The following ERBB4 variants were observed in gnomAD, a reference collection of about 807,000 sequenced individuals.
ERBB4 encodes erb-b2 receptor tyrosine kinase 4.
ERBB4 carries 42 observed loss-of-function variants against 158.0 expected under a neutral mutation model. The ratio of observed to expected loss-of-function variants is 0.27; its 90% confidence interval spans 0.21 to 0.34. ERBB4 has a LOEUF of 0.34. Ranked by LOEUF, ERBB4 falls within the 10% of genes least tolerant of loss-of-function variation. The pLI is 1.00. For synonymous variants in ERBB4, 583 were observed against 558.7 expected (o/e 1.04, Z -0.61); for missense variants, 1,333 against 1,624.1 (o/e 0.82, Z 3.08).
intron 3 of ERBB4, among the ~76,000 whole-genome samples, chr2:211,926,503 C>T (rs1239152486): frequency 6.6e-6 from 1 of 152,096 alleles, no homozygotes; most frequent in Non-Finnish European, 1.5e-5. Context: ...CACATTTTAT[C>T]TCAGTAACTA....
chr2:212,209,612 C>A (rs183508899), intron 1 of ERBB4, among the ~76,000 whole-genome samples: 1 of 151,946 alleles, frequency 6.6e-6, no homozygotes, highest in African/African-American at 2.4e-5. Flanking sequence ...GAATAGTGTT[C>A]CCCCAAAATT....
chr2:212,484,674 T>C (rs1164159991), intron 1 of ERBB4, among the ~76,000 whole-genome samples: 1 of 152,212 alleles, frequency 6.6e-6, no homozygotes, highest in Admixed American at 6.5e-5. Context: ...GAAAACTGCC[T>C]TGGCATTGCT....
chr2:211,434,071 C>T (rs1282579168), intron 20 of ERBB4, among the ~76,000 whole-genome samples: 1 of 152,144 alleles, frequency 6.6e-6, no homozygotes, highest in East Asian at 1.9e-4. Context: ...AAAGAGAATA[C>T]ACTGAGAACA....
intron 3 of ERBB4, among the ~76,000 whole-genome samples, chr2:211,871,449 C>T (rs529693358): frequency 1.3e-5 from 2 of 151,936 alleles, no homozygotes; most frequent in East Asian, 1.9e-4. Context: ...GACTCCATCT[C>T]TCTACCATGT....
rs1027453350 is a variant in ERBB4 at position 212,275,460 on chromosome 2, C to G, written c.83-150557G>C. On this transcript the variant is annotated intron_variant, in intron 1 of 27. Coordinates refer to ENST00000342788, the MANE Select transcript of ERBB4 (RefSeq NM_005235.3). ...TTGTTTCCTGACTTTTTAATGATTGCCATTCTAACTGGTGTGAGATGGTAT... is the reference window on the plus strand; with the variant it reads ...TTGTTTCCTGACTTTTTAATGATTGGCATTCTAACTGGTGTGAGATGGTAT... Among the ~76,000 whole-genome samples, 18 of 151,904 alleles carry G rather than the reference C, an allele frequency of 1.2e-4. 1 individual carries two copies. Among genetic ancestry groups the G allele is most frequent in the African/African-American group, 4.1e-4 (17 of 41,402 alleles).
chr2:212,238,898 G>A (rs2083979935), intron 1 of ERBB4, among the ~76,000 whole-genome samples: 1 of 151,932 alleles, frequency 6.6e-6, no homozygotes, highest in Non-Finnish European at 1.5e-5. Flanking sequence ...GTCTTATGTA[G>A]AGTGCTAAGT....
intron 1 of ERBB4, among the ~76,000 whole-genome samples, chr2:212,168,026 C>T (rs2081401264): frequency 6.6e-6 from 1 of 150,966 alleles, no homozygotes; most frequent in Non-Finnish European, 1.5e-5. Context: ...ATGTAACAAA[C>T]TTGCACGTTC....
intron 1 of ERBB4, among the ~76,000 whole-genome samples, chr2:212,326,376 A>G (rs758869099): frequency 2.7e-5 from 4 of 150,726 alleles, no homozygotes; most frequent in Non-Finnish European, 5.9e-5. Flanking sequence ...AAGCAAATAC[A>G]AGAAGTTTAA....
At chr2:211,433,568 G>A (rs368057941) in intron 20 of ERBB4, among the ~76,000 whole-genome samples, 1 of 148,704 alleles carries the variant, frequency 6.7e-6, no homozygotes, top group African/African-American at 2.5e-5. Context: ...GCAACAGAGT[G>A]AGACTCTCAA....
Position 211,380,477 on chromosome 2 carries a change from G to A in ERBB4, c.*3138C>T. On this transcript the variant is annotated 3_prime_UTR_variant, in exon 28 of 28. Transcript: ENST00000342788. ...ATAATTGATTCTGCAAATTTCAATTGCTACAATTGGCCTCTGGAATCTGAT... is the reference window on the plus strand; with the variant it reads ...ATAATTGATTCTGCAAATTTCAATTACTACAATTGGCCTCTGGAATCTGAT... 1 of 232,276 alleles carries A rather than the reference G, an allele frequency of 4.3e-6. No individual in the cohort carries two copies. The highest frequency in any genetic ancestry group is 8.5e-6 in the Non-Finnish European group (1 of 117,490). The allele number at this position is 232,276 out of a possible 1,614,324, so 14.4% of individuals were successfully genotyped here.
intron 19 of ERBB4, among the ~76,000 whole-genome samples, chr2:211,574,277 C>T (rs1331665574): frequency 6.6e-6 from 1 of 152,104 alleles, no homozygotes; most frequent in Non-Finnish European, 1.5e-5. Context: ...TCCTAGTTAA[C>T]CCCAGGGAGA....
chr2:211,699,041 T>C (rs1410325303), intron 12 of ERBB4, among the ~76,000 whole-genome samples: 1 of 152,186 alleles, frequency 6.6e-6, no homozygotes, highest in Non-Finnish European at 1.5e-5. Flanking sequence ...TAAAAAATCG[T>C]CATTACTGTT....
At chr2:212,029,015 C>T (rs1344520023) in intron 2 of ERBB4, among the ~76,000 whole-genome samples, 1 of 152,008 alleles carries the variant, frequency 6.6e-6, no homozygotes, top group African/African-American at 2.4e-5. Flanking sequence ...CACCAGTGCA[C>T]GATGTAAGTT....
At chr2:212,490,681 C>T (rs1033474076) in intron 1 of ERBB4, among the ~76,000 whole-genome samples, 1 of 151,686 alleles carries the variant, frequency 6.6e-6, no homozygotes, top group East Asian at 1.9e-4. Context: ...TGTTGTCAAA[C>T]ATAAAAAGTA....
At chr2:212,442,496 G>A (rs1427223352) in intron 1 of ERBB4, among the ~76,000 whole-genome samples, 1 of 152,112 alleles carries the variant, frequency 6.6e-6, no homozygotes, top group Non-Finnish European at 1.5e-5. Context: ...GGGACTCCTG[G>A]GCACTGGCTC....
intron 24 of ERBB4, among the ~76,000 whole-genome samples, chr2:211,421,208 T>A (rs977729184): frequency 6.6e-6 from 1 of 151,324 alleles, no homozygotes; most frequent in African/African-American, 2.4e-5. Flanking sequence ...AGTTACATAA[T>A]TTTTGGAAAC....
chr2:212,456,518 C>T (rs1323087894), intron 1 of ERBB4, among the ~76,000 whole-genome samples: 2 of 151,438 alleles, frequency 1.3e-5, no homozygotes, highest in African/African-American at 4.8e-5. Context: ...ACTGAGTCTG[C>T]TGTTTATAAA....
At chr2:211,556,346 T>A (rs1017748982) in intron 20 of ERBB4, among the ~76,000 whole-genome samples, 11 of 152,088 alleles carry the variant, frequency 7.2e-5, no homozygotes, top group Non-Finnish European at 1.3e-4. Context: ...GCGGGAAACT[T>A]CAATACCCCA....
At chr2:212,016,044 T>C (rs1204992564) in intron 2 of ERBB4, among the ~76,000 whole-genome samples, 4 of 151,546 alleles carry the variant, frequency 2.6e-5, no homozygotes, top group Non-Finnish European at 4.4e-5. Flanking sequence ...AAAAAATGCA[T>C]TGGTGCATTG....
Sources: gnomAD v4.1 joint callset for allele counts (sites outside exome capture counted in the v4.1 genomes callset) on GRCh38, gnomAD v4.1.1 for gene constraint, MANE v1.5 for transcripts, NCBI Gene and HGNC (gene_info 2026-07-23, HGNC 2026-07-21) for gene names.